EPS15L1: variants seen among roughly 807,000 people sequenced by gnomAD.
The protein encoded by EPS15L1 is epidermal growth factor receptor substrate 15-like 1.
A neutral mutation model predicts 117.1 loss-of-function variants in EPS15L1; 43 were observed. The ratio of observed to expected loss-of-function variants is 0.37; its 90% CI spans 0.29 to 0.47. The LOEUF is 0.47. Ranked by LOEUF, EPS15L1 falls within the 20% of genes least tolerant of loss-of-function variation. The pLI is 0.99. For synonymous variants in EPS15L1, 459 were observed against 470.5 expected (o/e 0.98, Z 0.32); for missense variants, 981 against 1,164.0 (o/e 0.84, Z 2.29).
intron 23 of EPS15L1, 146 bp from the exon 24 acceptor site, chr19:16,355,997 G>C (rs1324516363): frequency 1.9e-6 from 2 of 1,042,894 alleles, no homozygotes; most frequent in African/African-American, 1.6e-5. Flanking sequence ...GCATGTCTTG[G>C]CTGGGCCCAG....
At chr19:16,406,399 C>T (rs1331276294) in intron 13 of EPS15L1, among the ~76,000 whole-genome samples, 1 of 152,168 alleles carries the variant, frequency 6.6e-6, no homozygotes, top group Non-Finnish European at 1.5e-5. Flanking sequence ...TAAAGTCAGG[C>T]GTGTCAGCAT....
intron 23 of EPS15L1, among the ~76,000 whole-genome samples, chr19:16,359,824 C>T (rs2092027934): frequency 6.6e-6 from 1 of 151,738 alleles, no homozygotes; most frequent in Non-Finnish European, 1.5e-5. Flanking sequence ...GACTGCACCA[C>T]TGCATTCTAG....
intron 22 of EPS15L1, among the ~76,000 whole-genome samples, chr19:16,364,504 T>C (rs2092105849): frequency 6.6e-6 from 1 of 152,144 alleles, no homozygotes; most frequent in African/African-American, 2.4e-5. Flanking sequence ...AGCAGGGTGA[T>C]CTGGCCCAGC....
chr19:16,422,715 GGGAGGCTGAGGTGGGT>G (rs533217310), intron 9 of EPS15L1, among the ~76,000 whole-genome samples: 154 of 152,274 alleles, frequency 1.0e-3, no homozygotes, highest in Non-Finnish European at 1.8e-3. Context: ...CCAGCACTTT[GGGAGGCTGAGGTGGGT>G]GGATCACCTG....
In EPS15L1 at chr19:16,392,424, G is replaced by A. The variant is rs2144774194; in HGVS notation, c.1983C>T (p.Asp661=). Residue 661 remains aspartate, a synonymous_variant, in exon 19 of 24, where the codon GAC becomes GAT. Transcript: ENST00000455140. ...QTTSTDPFGG[D]PFKESDPFRG... Reference sequence around the variant, plus strand: ...GGAATGGGTCACTTTCTTTGAAAGGGTCCCCTCCAAATGGATCTAGAAGGA... The same window carrying A: ...GGAATGGGTCACTTTCTTTGAAAGGATCCCCTCCAAATGGATCTAGAAGGA... The A allele has an allele frequency of 6.2e-7, 1 of 1,614,188 alleles. No individual in the cohort carries two copies. The highest frequency in any genetic ancestry group is 8.5e-7 in the Non-Finnish European group (1 of 1,180,002).
At chr19:16,393,834 T>C (rs1414176664) in intron 18 of EPS15L1, 117 bp downstream of exon 18, 1 of 1,058,410 alleles carries the variant, frequency 9.4e-7, no homozygotes, top group Non-Finnish European at 1.5e-6. Flanking sequence ...ACGGCCGTCC[T>C]TCCCAGTTAC....
In EPS15L1 at chr19:16,386,226, G is replaced by A. The variant is rs756261464; in HGVS notation, c.2109C>T (p.Asp703=). Residue 703 remains aspartate, a synonymous_variant, in exon 20 of 24, where the codon GAC becomes GAT. Coordinates refer to ENST00000455140, the MANE Select transcript of EPS15L1 (RefSeq NM_001258374.3). ...TKNPSLPSKL[D]PFESSDPFSS... ...AAAAGGGATCACTGGATTCAAAGGGGTCGAGCTAAATGAAAGGAGAGAGGA... is the reference window on the plus strand; with the variant it reads ...AAAAGGGATCACTGGATTCAAAGGGATCGAGCTAAATGAAAGGAGAGAGGA... The A allele has an allele frequency of 6.2e-7, 1 of 1,611,698 alleles. No individual in the cohort carries two copies. The highest frequency in any genetic ancestry group is 2.2e-5 in the East Asian group (1 of 44,774).
intron 13 of EPS15L1, among the ~76,000 whole-genome samples, chr19:16,410,360 T>C (rs1193094399): frequency 6.6e-6 from 1 of 151,976 alleles, no homozygotes; most frequent in Non-Finnish European, 1.5e-5. Flanking sequence ...AAACGGGAAA[T>C]GGGTAAGTGT....
chr19:16,404,406 G>A lies in EPS15L1; in HGVS notation c.1428+182C>T, dbSNP rs74808985. On this transcript the variant is annotated intron_variant, in intron 14 of 23. Coordinates refer to ENST00000455140, the MANE Select transcript of EPS15L1 (RefSeq NM_001258374.3). This position sits in a 1 kb window ranked among gnomAD's most constrained non-coding sequence, Gnocchi z 4.2. ...TACAACCTGACTTCTAGGAGTACAGGGGGGTGGCCAGGAAGTCAAGCCACA... is the reference window on the plus strand; with the variant it reads ...TACAACCTGACTTCTAGGAGTACAGAGGGGTGGCCAGGAAGTCAAGCCACA... Among the ~76,000 whole-genome samples the A allele has an allele frequency of 0.012, 1,777 of 152,236 alleles. 34 individuals are homozygous for A. The highest frequency in any genetic ancestry group is 0.041 in the African/African-American group (1,705 of 41,526).
Position 16,466,961 on chromosome 19 carries a change from A to ACAC in EPS15L1, c.33+4949_33+4951dup, listed in dbSNP as rs1293140539. On this transcript the variant is annotated intron_variant, in intron 1 of 23. Transcript: ENST00000455140. ...ACATGCGTCACACGGCAGGGTCCTG[A>ACAC]CACTCTACTGTGACAAAGCAGGTCA... Among the ~76,000 whole-genome samples the ACAC allele has an allele frequency of 2.6e-5, 4 of 151,948 alleles. No individual in the cohort carries two copies. The East Asian group carries it at 5.8e-4, about 22-fold the overall frequency.
chr19:16,442,995 G>C (rs896463628), intron 1 of EPS15L1, among the ~76,000 whole-genome samples: 1 of 152,224 alleles, frequency 6.6e-6, no homozygotes, highest in Non-Finnish European at 1.5e-5. Flanking sequence ...CGTCTCCCAG[G>C]GAAGGGGAGG....
chr19:16,389,637 C>T (rs2092456578), intron 19 of EPS15L1, among the ~76,000 whole-genome samples: 1 of 152,080 alleles, frequency 6.6e-6, no homozygotes, highest in Non-Finnish European at 1.5e-5. Context: ...TCTTTCTTTA[C>T]AATACCCACA....
chr19:16,429,355 C>T (rs1450464010), intron 7 of EPS15L1, among the ~76,000 whole-genome samples: 1 of 152,166 alleles, frequency 6.6e-6, no homozygotes, highest in Non-Finnish European at 1.5e-5. Flanking sequence ...CTGACCCATG[C>T]CAGCCTTCCT....
At chr19:16,374,439 T>C (rs1343232318) in intron 22 of EPS15L1, among the ~76,000 whole-genome samples, 1 of 152,190 alleles carries the variant, frequency 6.6e-6, no homozygotes, top group Non-Finnish European at 1.5e-5. Flanking sequence ...CTAAAAAGCC[T>C]GAACCCTGAA....
intron 17 of EPS15L1, among the ~76,000 whole-genome samples, chr19:16,394,414 C>T (rs981942728): frequency 2.0e-5 from 3 of 152,190 alleles, no homozygotes; most frequent in Non-Finnish European, 2.9e-5. Flanking sequence ...AGCAATGAGG[C>T]GGCGGCACCC....
intron 22 of EPS15L1, among the ~76,000 whole-genome samples, chr19:16,364,043 A>C (rs902751713): frequency 3.3e-5 from 5 of 151,982 alleles, no homozygotes; most frequent in Non-Finnish European, 7.4e-5. Flanking sequence ...GCTGCGGGAG[A>C]TCCTTCCAGA....
At chr19:16,427,306 G>A (rs1218642331) in intron 8 of EPS15L1, among the ~76,000 whole-genome samples, 3 of 152,126 alleles carry the variant, frequency 2.0e-5, no homozygotes, top group African/African-American at 7.2e-5. Context: ...ATAATTCTCT[G>A]TATTACAGGT....
chr19:16,397,106 T>C (rs779252891), intron 16 of EPS15L1, among the ~76,000 whole-genome samples: 11 of 152,062 alleles, frequency 7.2e-5, no homozygotes, highest in Non-Finnish European at 1.3e-4. Flanking sequence ...TTTTTTTTTC[T>C]GAGACAGAGT....
intron 1 of EPS15L1, among the ~76,000 whole-genome samples, chr19:16,451,953 A>G (rs977354198): frequency 2.5e-4 from 38 of 150,076 alleles, no homozygotes; most frequent in Non-Finnish European, 1.6e-4. Context: ...CCTGGCCAAC[A>G]TGGTGAAACC....
Sources: allele counts gnomAD v4.1 joint callset (sites outside exome capture counted in the v4.1 genomes callset), GRCh38; gene constraint gnomAD v4.1.1; non-coding constraint Gnocchi (gnomAD v3.1); transcripts MANE v1.5; gene names NCBI Gene and HGNC (gene_info 2026-07-23, HGNC 2026-07-21).